The following TDRD9 variants were observed in gnomAD, a reference collection of about 807,000 sequenced individuals.
The protein encoded by TDRD9 is ATP-dependent RNA helicase TDRD9.
In TDRD9, 124 loss-of-function variants were observed where a neutral mutation model predicts 172.6. The observed-to-expected ratio is 0.72, with a 90% CI of 0.62 to 0.83. TDRD9 has a LOEUF of 0.83. Ranked by LOEUF, TDRD9 falls within the 40% of genes least tolerant of loss-of-function variation. TDRD9 has a pLI of 0.00. For missense variants in TDRD9, 1,479 were observed against 1,714.1 expected (o/e 0.86, Z 2.42); for synonymous variants, 619 against 617.1 (o/e 1.00, Z -0.05).
chr14:104,015,837 G>T, intron 21 of TDRD9, 144 bp from the exon 22 acceptor site: 1 of 501,734 alleles, frequency 2.0e-6, no homozygotes, highest in Non-Finnish European at 3.4e-6. Context: ...CTGCTTGGTT[G>T]GTGAAAGGTC....
Position 104,026,710 on chromosome 14 carries a change from C to T in TDRD9, c.3053C>T (p.Pro1018Leu). The T allele has an allele frequency of 6.2e-7, 1 of 1,613,990 alleles. No homozygotes were observed. The highest frequency in any genetic ancestry group is 8.5e-7 in the Non-Finnish European group (1 of 1,179,876). The part of the protein sequence containing the change: ...ALEFKICKMR[P>L]SAKSLVCGKH... The stretch of plus-strand genomic sequence containing the variant: ...GAATTTAAGATTTGCAAAATGAGAC[C>T]ATCAGCAAAGTCTCTTGTTTGTGGC... Residue 1018 changes from proline to leucine, a missense_variant, in exon 28 of 36, where the codon CCA (proline) becomes CTA (leucine). Pro to Leu is a moderately conservative substitution (Grantham distance 98). Around this residue, in one of 3 missense-constraint regions of TDRD9, gnomAD observed 1,413 missense variants for 1,649.1 expected, o/e 0.86. Coordinates refer to ENST00000409874, the MANE Select transcript of TDRD9 (RefSeq NM_153046.3).
intron 22 of TDRD9, among the ~76,000 whole-genome samples, chr14:104,017,132 CT>C (rs891448607): frequency 2.6e-5 from 4 of 152,086 alleles, no homozygotes; most frequent in African/African-American, 9.7e-5. Flanking sequence ...TCTCTCACCC[CT>C]CTGCCCCTTC....
chr14:103,957,135 A>G (rs1190820644), intron 2 of TDRD9, among the ~76,000 whole-genome samples: 1 of 152,234 alleles, frequency 6.6e-6, no homozygotes, highest in East Asian at 1.9e-4. Context: ...TAATTAGTCT[A>G]GGAAAATTCT....
At chr14:104,012,856 C>T (rs2034656658) in intron 20 of TDRD9, among the ~76,000 whole-genome samples, 1 of 152,170 alleles carries the variant, frequency 6.6e-6, no homozygotes, top group Non-Finnish European at 1.5e-5. Context: ...GCCTCAGCCT[C>T]CTAAAGCTCT....
chr14:104,033,126 A>G (rs936925932), intron 30 of TDRD9, among the ~76,000 whole-genome samples: 1 of 152,194 alleles, frequency 6.6e-6, no homozygotes, highest in African/African-American at 2.4e-5. Flanking sequence ...TCATTCTGAA[A>G]GGGCCGTGAA....
At chr14:104,032,783 T>C (rs1416451387) in intron 30 of TDRD9, among the ~76,000 whole-genome samples, 1 of 152,010 alleles carries the variant, frequency 6.6e-6, no homozygotes, top group Non-Finnish European at 1.5e-5. Flanking sequence ...GTGGGGGGCA[T>C]AGAGGAAGCC....
Position 104,051,962 on chromosome 14 carries a change from C to A in TDRD9, c.4048-19C>A. ...GCCCTGTCACAGAGCCTGACTGGTC[C>A]GCTTGTCTACCCCATTAGGTTGATC... On this transcript the variant is annotated intron_variant, in intron 35 of 35. Transcript: ENST00000409874. 1.3e-6 allele frequency: 2 copies of A among 1,556,378 alleles called. No homozygotes were observed. Among genetic ancestry groups the A allele is most frequent in the East Asian group, 2.4e-5 (1 of 42,410 alleles).
chr14:103,952,440 A>C (rs1198583407), intron 1 of TDRD9, among the ~76,000 whole-genome samples: 5 of 148,524 alleles, frequency 3.4e-5, no homozygotes, highest in Non-Finnish European at 7.4e-5. Context: ...ACGGGGTTTC[A>C]CCGTGTTAGC....
chr14:103,938,377 CAT>C (rs1183093623), intron 1 of TDRD9, among the ~76,000 whole-genome samples: 5 of 88,674 alleles, frequency 5.6e-5, no homozygotes, highest in African/African-American at 1.8e-4. Context: ...ACCTGTGCCC[CAT>C]ATATGTGTGT....
Position 103,937,405 on chromosome 14 carries a change from G to A in TDRD9, c.215+8681G>A, listed in dbSNP as rs532076433. 3.9e-4 allele frequency among the ~76,000 whole-genome samples: 59 copies of A among 152,198 alleles called. 1 individual carries two copies. Among genetic ancestry groups the A allele is most frequent in the African/African-American group, 1.4e-3 (57 of 41,520 alleles). ...CATTGCAGGCTCCTTTCTTCATTTGGGACCCTGTTCAGATACCTCCTTAGA... is the reference window on the plus strand; with the variant it reads ...CATTGCAGGCTCCTTTCTTCATTTGAGACCCTGTTCAGATACCTCCTTAGA... On this transcript the variant is annotated intron_variant, in intron 1 of 35. Coordinates refer to ENST00000409874, the MANE Select transcript of TDRD9 (RefSeq NM_153046.3).
chr14:104,000,649 G>A lies in TDRD9; in HGVS notation c.1483+1921G>A, dbSNP rs201744180. Among the ~76,000 whole-genome samples, 64 of 152,210 alleles carry A rather than the reference G, an allele frequency of 4.2e-4. 1 individual carries two copies. The East Asian group carries it at 9.1e-3, about 22-fold the overall frequency. On this transcript the variant is annotated intron_variant, in intron 13 of 35. Coordinates refer to ENST00000409874, the MANE Select transcript of TDRD9 (RefSeq NM_153046.3). ...AAAATACAAAAATTTGCTGAGTGTG[G>A]TGGCACACACCTGTAATCCCAACTA...
Position 103,928,679 on chromosome 14 carries a change from C to G in TDRD9, c.170C>G (p.Pro57Arg). ...GGCGCTGGTCCCGCGGCCCAGGCTC[C>G]GGCTCTGGCCCAAGCTCCGGCCCGG... Reference protein sequence around the residue: ...APGAGPAAQAPALAQAPARPA... With the variant: ...APGAGPAAQARALAQAPARPA... The change falls in exon 1 of 36, where the codon CCG becomes CGG. Residue 57 changes from proline to arginine, a missense_variant. Physicochemically the swap from Pro to Arg is moderately radical, Grantham distance 103. Around this residue, in one of 3 missense-constraint regions of TDRD9, gnomAD observed 1,413 missense variants for 1,649.1 expected, o/e 0.86. Coordinates refer to ENST00000409874, the MANE Select transcript of TDRD9 (RefSeq NM_153046.3). 1 of 1,220,624 alleles carries G rather than the reference C, an allele frequency of 8.2e-7. No individual in the cohort carries two copies. The allele number at this position is 1,220,624 out of a possible 1,614,324, so 75.6% of individuals were successfully genotyped here.
Position 104,008,469 on chromosome 14 carries a change from A to C in TDRD9, c.2106+3A>C, listed in dbSNP as rs771490089. ...TTCAAATCAAGAGAATTAGAGAGGT[A>C]AGTTAAGTTTTTTGACCAAATGGAT... On this transcript the variant is annotated splice_donor_region_variant and intron_variant, in intron 20 of 35. Transcript: ENST00000409874. 1 of 1,558,082 alleles carries C rather than the reference A, an allele frequency of 6.4e-7. No individual in the cohort carries two copies. Among genetic ancestry groups the C allele is most frequent in the Non-Finnish European group, 8.8e-7 (1 of 1,132,998 alleles).
At chr14:103,949,418 T>C (rs1003665581) in intron 1 of TDRD9, among the ~76,000 whole-genome samples, 3 of 152,230 alleles carry the variant, frequency 2.0e-5, no homozygotes, top group Non-Finnish European at 4.4e-5. Flanking sequence ...AGTTGGCAGA[T>C]TGAAGTGTTT....
intron 21 of TDRD9, among the ~76,000 whole-genome samples, chr14:104,015,581 G>A (rs909167722): frequency 6.6e-6 from 1 of 152,154 alleles, no homozygotes; most frequent in Non-Finnish European, 1.5e-5. Context: ...TGCTCCAATT[G>A]GAGTTTTATC....
chr14:103,943,373 C>T (rs1294498735), intron 1 of TDRD9, among the ~76,000 whole-genome samples: 1 of 150,816 alleles, frequency 6.6e-6, no homozygotes, highest in Non-Finnish European at 1.5e-5. Context: ...TATATATGTA[C>T]ATATGTGTAT....
chr14:104,002,939 C>T (rs1406791276), intron 13 of TDRD9, among the ~76,000 whole-genome samples: 2 of 152,038 alleles, frequency 1.3e-5, no homozygotes, highest in Admixed American at 1.3e-4. Context: ...CCATGTTGGC[C>T]AGGATGGTCT....
At chr14:103,993,646 C>T (rs1015260134) in intron 9 of TDRD9, among the ~76,000 whole-genome samples, 1 of 152,210 alleles carries the variant, frequency 6.6e-6, no homozygotes, top group African/African-American at 2.4e-5. Flanking sequence ...GGCTACATCA[C>T]TCCTGTCTCT....
At chr14:103,959,249 A>C (rs1415338593) in intron 2 of TDRD9, among the ~76,000 whole-genome samples, 6 of 152,058 alleles carry the variant, frequency 3.9e-5, no homozygotes, top group Non-Finnish European at 5.9e-5. Context: ...AGGCCACAGG[A>C]GGCAGAGAGG....
Sources: allele counts gnomAD v4.1 joint callset (sites outside exome capture counted in the v4.1 genomes callset), GRCh38; gene constraint gnomAD v4.1.1; regional missense constraint gnomAD v4.1.1; transcripts MANE v1.5; gene names NCBI Gene and HGNC (gene_info 2026-07-23, HGNC 2026-07-21).